SERGEF: variants seen among roughly 807,000 people sequenced by gnomAD.
SERGEF encodes secretion-regulating guanine nucleotide exchange factor.
SERGEF carries 51 observed loss-of-function variants against 50.0 expected under a neutral mutation model. The observed-to-expected ratio is 1.02, with a 90% CI of 0.81 to 1.29. SERGEF has a LOEUF of 1.29. Among genes scored for constraint, SERGEF ranks in the 50% most tolerant of loss-of-function variants. The pLI, the probability that SERGEF is intolerant of heterozygous loss-of-function variation, is 0.00. For missense variants in SERGEF, 521 were observed against 557.0 expected, an observed-to-expected ratio of 0.94 and a Z score of 0.65; for synonymous variants, 205 against 212.4, an observed-to-expected ratio of 0.97 and a Z score of 0.30.
At chr11:17,894,951 C>T (rs897308946) in intron 9 of SERGEF, among the ~76,000 whole-genome samples, 1 of 152,198 alleles carries the variant, frequency 6.6e-6, no homozygotes, top group Non-Finnish European at 1.5e-5. Flanking sequence ...AGGGCAGAGA[C>T]AGTTAAAAAG....
At chr11:17,897,787 T>C (rs1281668138) in intron 9 of SERGEF, among the ~76,000 whole-genome samples, 1 of 152,222 alleles carries the variant, frequency 6.6e-6, no homozygotes, top group Non-Finnish European at 1.5e-5. Context: ...ATCCCCTTCC[T>C]GTCTGACTTT....
chr11:17,996,029 T>A, intron 5 of SERGEF, 120 bp from the exon 6 acceptor site: 1 of 720,754 alleles, frequency 1.4e-6, no homozygotes, highest in Non-Finnish European at 2.4e-6. Context: ...ATGAGTGTTA[T>A]GGAGAAGCTC....
At chr11:17,821,587 C>G (rs552286146) in intron 10 of SERGEF, among the ~76,000 whole-genome samples, 1 of 152,306 alleles carries the variant, frequency 6.6e-6, no homozygotes, top group East Asian at 1.9e-4. Flanking sequence ...TTTGCATATG[C>G]TATTCCCTCT....
intron 8 of SERGEF, among the ~76,000 whole-genome samples, chr11:17,979,106 C>A (rs902771138): frequency 6.6e-6 from 1 of 152,210 alleles, no homozygotes; most frequent in Non-Finnish European, 1.5e-5. Context: ...AGGTAACCTG[C>A]ATAAGATCAC....
chr11:17,918,653 TAC>T (rs979209553), intron 9 of SERGEF: 89 of 365,964 alleles, frequency 2.4e-4, no homozygotes, highest in East Asian at 1.5e-3. Flanking sequence ...CACACACACA[TAC>T]ACACACACTC....
intron 10 of SERGEF, among the ~76,000 whole-genome samples, chr11:17,819,616 T>G (rs899978098): frequency 2.6e-5 from 4 of 152,202 alleles, no homozygotes; most frequent in Non-Finnish European, 4.4e-5. Context: ...CCAAAACATG[T>G]TCATCTCTGA....
At chr11:17,984,060 A>C (rs1308453963) in intron 8 of SERGEF, among the ~76,000 whole-genome samples, 1 of 152,204 alleles carries the variant, frequency 6.6e-6, no homozygotes, top group Non-Finnish European at 1.5e-5. Flanking sequence ...TAGAACCACT[A>C]AGGATTATAT....
intron 10 of SERGEF, among the ~76,000 whole-genome samples, chr11:17,817,305 C>G (rs1289023040): frequency 6.6e-6 from 1 of 151,798 alleles, no homozygotes; most frequent in African/African-American, 2.4e-5. Context: ...AGTTCCGCCT[C>G]CCGGGTTCAT....
chr11:17,884,720 T>C lies in SERGEF; in HGVS notation c.1012-6476A>G, dbSNP rs540012644. On this transcript the variant is annotated intron_variant, in intron 9 of 10. Coordinates refer to ENST00000265965, the MANE Select transcript of SERGEF (RefSeq NM_012139.4). The surrounding 1 kb of genome is among the most constrained non-coding windows in gnomAD (Gnocchi z 4.6). ...TTGAATTTGTATTTTATTTCATATA[T>C]ATGTGTATATGTTATATATACATTT... Among the ~76,000 whole-genome samples the C allele has an allele frequency of 1.7e-4, 26 of 152,154 alleles. No homozygotes were observed. Among genetic ancestry groups the C allele is most frequent in the Non-Finnish European group, 3.2e-4 (22 of 68,018 alleles).
chr11:17,901,983 G>C (rs564353353), intron 9 of SERGEF, among the ~76,000 whole-genome samples: 31 of 152,266 alleles, frequency 2.0e-4, no homozygotes, highest in African/African-American at 6.5e-4. Context: ...AATTAAATAA[G>C]ATACTAAATA....
chr11:17,896,496 G>A (rs79225192), intron 9 of SERGEF, among the ~76,000 whole-genome samples: 4,070 of 149,420 alleles, frequency 0.027, 80 homozygotes, highest in Non-Finnish European at 0.043. Context: ...AAAAAATAAA[G>A]GGAAAAAAAT....
intron 8 of SERGEF, among the ~76,000 whole-genome samples, chr11:17,984,737 A>G (rs1409966152): frequency 2.0e-5 from 3 of 152,130 alleles, no homozygotes; most frequent in Non-Finnish European, 4.4e-5. Flanking sequence ...AGGTTAAGAG[A>G]GCTAAGATTC....
intron 9 of SERGEF, among the ~76,000 whole-genome samples, chr11:17,892,566 A>G (rs1851551457): frequency 6.6e-6 from 1 of 152,246 alleles, no homozygotes; most frequent in Non-Finnish European, 1.5e-5. Context: ...TTCTCGTAGT[A>G]GAACCTAGAA....
chr11:17,798,743 G>A (rs968243028), intron 10 of SERGEF, among the ~76,000 whole-genome samples: 13 of 152,216 alleles, frequency 8.5e-5, no homozygotes, highest in African/African-American at 2.9e-4. Context: ...TGCGAGAGGG[G>A]GCAGAAAGAG....
chr11:17,901,878 C>T (rs189562567), intron 9 of SERGEF, among the ~76,000 whole-genome samples: 227 of 152,352 alleles, frequency 1.5e-3, no homozygotes, highest in South Asian at 0.014. Flanking sequence ...AGGATGGCAG[C>T]AGAGCAGGAG....
intron 10 of SERGEF, chr11:17,846,671 C>A (rs1850616935): frequency 2.2e-6 from 1 of 455,988 alleles, no homozygotes; most frequent in Non-Finnish European, 4.4e-6. Flanking sequence ...GACACATGAA[C>A]ACTGTGATCT....
intron 10 of SERGEF, among the ~76,000 whole-genome samples, chr11:17,829,848 A>G (rs1403063779): frequency 1.3e-5 from 2 of 152,244 alleles, no homozygotes; most frequent in Non-Finnish European, 2.9e-5. Flanking sequence ...TTTGAGTATA[A>G]AAGCAGATTT....
At chr11:17,924,144 T>C (rs1312052871) in intron 9 of SERGEF, among the ~76,000 whole-genome samples, 2 of 152,192 alleles carry the variant, frequency 1.3e-5, no homozygotes, top group Non-Finnish European at 2.9e-5. Context: ...AGTGAATGAA[T>C]TTGGGGCAAT....
intron 8 of SERGEF, among the ~76,000 whole-genome samples, chr11:17,977,645 C>T (rs545632208): frequency 6.6e-6 from 1 of 152,282 alleles, no homozygotes; most frequent in East Asian, 1.9e-4. Flanking sequence ...CCATCAAATT[C>T]ATATGTTGAA....
Sources: allele counts gnomAD v4.1 joint callset (sites outside exome capture counted in the v4.1 genomes callset), GRCh38; gene constraint gnomAD v4.1.1; non-coding constraint Gnocchi (gnomAD v3.1); transcripts MANE v1.5; gene names NCBI Gene and HGNC (gene_info 2026-07-23, HGNC 2026-07-21).